Variants in MEGF11 observed in about 807,000 individuals in gnomAD.
MEGF11 encodes the protein multiple EGF like domains 11, also known as multiple epidermal growth factor-like domains protein 11.
Under a neutral mutation model 146.6 loss-of-function variants are expected in MEGF11, and 126 were observed. The observed-to-expected ratio is 0.86, with a 90% confidence interval of 0.74 to 1.00. The LOEUF is 1.00. Among genes scored for constraint, MEGF11 ranks in the 50% least tolerant of loss-of-function variants. The probability of loss-of-function intolerance (pLI) is 0.00; values close to 1 mark genes in which losing one functional copy is unlikely to be tolerated. For missense variants in MEGF11, 1,509 were observed against 1,521.2 expected, an observed-to-expected ratio of 0.99 and a Z score of 0.13; for synonymous variants, 532 against 583.4, an observed-to-expected ratio of 0.91 and a Z score of 1.27.
intron 24 of MEGF11, 100 bp downstream of exon 24, chr15:65,905,983 GCA>G: frequency 1.1e-6 from 1 of 949,330 alleles, no homozygotes; most frequent in South Asian, 1.6e-5. Context: ...TGGGGGGCAG[GCA>G]CACACAGTTT....
chr15:65,919,155 T>C (rs1168304820), intron 15 of MEGF11, among the ~76,000 whole-genome samples: 1 of 152,224 alleles, frequency 6.6e-6, no homozygotes, highest in African/African-American at 2.4e-5. Context: ...CGCTAGTGGC[T>C]AGGATCTGAA....
chr15:66,198,795 C>T (rs2091076531), intron 1 of MEGF11, among the ~76,000 whole-genome samples: 1 of 152,028 alleles, frequency 6.6e-6, no homozygotes, highest in South Asian at 2.1e-4. Context: ...CCTTTTGTTT[C>T]TAGAGACTGT....
At chr15:66,042,263 C>T (rs1487202848) in intron 5 of MEGF11, among the ~76,000 whole-genome samples, 1 of 152,134 alleles carries the variant, frequency 6.6e-6, no homozygotes, top group Non-Finnish European at 1.5e-5. Flanking sequence ...ACGCGCACCA[C>T]CACACCTGGC....
At chr15:66,164,058 G>A (rs1295334107) in intron 1 of MEGF11, among the ~76,000 whole-genome samples, 1 of 152,118 alleles carries the variant, frequency 6.6e-6, no homozygotes, top group African/African-American at 2.4e-5. Context: ...ATGAGAGAAG[G>A]TTGTCTACCT....
chr15:66,154,559 T>C (rs2141050291), intron 1 of MEGF11, among the ~76,000 whole-genome samples: 1 of 152,372 alleles, frequency 6.6e-6, no homozygotes, highest in South Asian at 2.1e-4. Flanking sequence ...CACACCATCA[T>C]AAAGATGCAG....
intron 5 of MEGF11, among the ~76,000 whole-genome samples, chr15:66,010,016 A>T (rs1386198294): frequency 6.6e-6 from 1 of 152,148 alleles, no homozygotes; most frequent in Non-Finnish European, 1.5e-5. Context: ...CATATTTTGG[A>T]TGAGGTGCTC....
intron 5 of MEGF11, among the ~76,000 whole-genome samples, chr15:66,016,930 T>C (rs1021252696): frequency 5.9e-5 from 9 of 152,204 alleles, no homozygotes; most frequent in African/African-American, 1.9e-4. Flanking sequence ...TCTCCTCTGA[T>C]ACCTCCATGA....
chr15:65,965,336 G>T (rs2081029649), intron 8 of MEGF11: 3 of 482,892 alleles, frequency 6.2e-6, no homozygotes, highest in Middle Eastern at 5.2e-4. Flanking sequence ...GGTCGGCTCA[G>T]TCCCCCCAGC....
intron 13 of MEGF11, among the ~76,000 whole-genome samples, chr15:65,925,603 G>A (rs994635845): frequency 1.3e-5 from 2 of 152,080 alleles, no homozygotes; most frequent in Non-Finnish European, 2.9e-5. Context: ...TACCTTCCTG[G>A]GCCCCAGTTT....
At chr15:66,126,765 C>A (rs1201370210) in intron 2 of MEGF11, among the ~76,000 whole-genome samples, 1 of 152,190 alleles carries the variant, frequency 6.6e-6, no homozygotes, top group African/African-American at 2.4e-5. Context: ...CACAGAATAA[C>A]GTGGGGCTCT....
intron 10 of MEGF11, among the ~76,000 whole-genome samples, chr15:65,950,792 C>CA (rs1265349542): frequency 6.6e-6 from 1 of 152,202 alleles, no homozygotes; most frequent in African/African-American, 2.4e-5. Context: ...TGCCACTGCT[C>CA]AAAGAATCTG....
intron 13 of MEGF11, among the ~76,000 whole-genome samples, chr15:65,927,701 G>T (rs1029001883): frequency 3.9e-5 from 6 of 152,184 alleles, no homozygotes; most frequent in Non-Finnish European, 7.3e-5. Flanking sequence ...ATGTGCAAAG[G>T]CCTGGAGTCA....
intron 5 of MEGF11, among the ~76,000 whole-genome samples, chr15:66,039,074 C>T (rs961563844): frequency 6.6e-6 from 1 of 152,132 alleles, no homozygotes; most frequent in African/African-American, 2.4e-5. Flanking sequence ...TCAGCCCTAC[C>T]AAAGGAGAAA....
intron 18 of MEGF11, 26 bp downstream of exon 18, chr15:65,916,122 C>T: frequency 6.4e-7 from 1 of 1,566,792 alleles, no homozygotes; most frequent in Non-Finnish European, 8.7e-7. Context: ...CAGCATCACC[C>T]AGGATCAGGG....
At chr15:66,164,129 C>T (rs538957627) in intron 1 of MEGF11, among the ~76,000 whole-genome samples, 7 of 152,238 alleles carry the variant, frequency 4.6e-5, no homozygotes, top group South Asian at 2.1e-4. Context: ...GTGGCCTGAA[C>T]GAAGCTAAAC....
At chr15:66,074,950 T>C (rs1232987324) in intron 5 of MEGF11, among the ~76,000 whole-genome samples, 1 of 152,236 alleles carries the variant, frequency 6.6e-6, no homozygotes, top group African/African-American at 2.4e-5. Flanking sequence ...AAAATATGCA[T>C]GCTAAGTACA....
intron 5 of MEGF11, among the ~76,000 whole-genome samples, chr15:66,016,735 G>A (rs138980608): frequency 6.6e-6 from 1 of 152,240 alleles, no homozygotes; most frequent in Non-Finnish European, 1.5e-5. Context: ...AGTATTTGAG[G>A]TTTACTTTTA....
intron 1 of MEGF11, among the ~76,000 whole-genome samples, chr15:66,223,014 G>A (rs1259349085): frequency 2.0e-5 from 3 of 152,080 alleles, no homozygotes; most frequent in Admixed American, 6.6e-5. Context: ...AAGAAAATAC[G>A]TGTCCCTGCA....
chr15:65,928,355 T>G (rs952093802), intron 13 of MEGF11, 70 bp downstream of exon 13: 2 of 1,012,764 alleles, frequency 2.0e-6, no homozygotes, highest in Non-Finnish European at 2.9e-6. Context: ...AAGAAAACGG[T>G]CAAGAGAAGT....
Sources: allele counts gnomAD v4.1 joint callset (sites outside exome capture counted in the v4.1 genomes callset), GRCh38; gene constraint gnomAD v4.1.1; transcripts MANE v1.5; gene names NCBI Gene and HGNC (gene_info 2026-07-23, HGNC 2026-07-21).